The following DPP10 variants were observed in gnomAD, a reference collection of about 807,000 sequenced individuals.
DPP10 encodes inactive dipeptidyl peptidase 10.
In DPP10, 33 loss-of-function variants were observed where a neutral mutation model predicts 120.9. The observed-to-expected ratio is 0.27, with a 90% CI of 0.21 to 0.37. The LOEUF (loss-of-function observed/expected upper bound fraction) is 0.37, where lower values mean the gene tolerates loss of function less well. Ranked by LOEUF, DPP10 falls within the 10% of genes least tolerant of loss-of-function variation. DPP10 has a pLI of 1.00. For missense variants in DPP10, 816 were observed against 942.8 expected (o/e 0.87, Z 1.76); for synonymous variants, 337 against 326.1 (o/e 1.03, Z -0.36).
At chr2:115,252,486 A>G (rs2058797684) in intron 1 of DPP10, among the ~76,000 whole-genome samples, 1 of 152,178 alleles carries the variant, frequency 6.6e-6, no homozygotes, top group African/African-American at 2.4e-5. Context: ...GTTTAACCCT[A>G]GTTTAACTCA....
chr2:114,677,189 C>T (rs1265098081), intron 1 of DPP10, among the ~76,000 whole-genome samples: 1 of 152,122 alleles, frequency 6.6e-6, no homozygotes, highest in African/African-American at 2.4e-5. Flanking sequence ...GTTTCAGCTT[C>T]ATCACAGGCC....
Position 115,536,442 on chromosome 2 carries a change from A to G in DPP10, c.441+10470A>G, listed in dbSNP as rs571402486. On this transcript the variant is annotated intron_variant, in intron 5 of 25. Coordinates refer to ENST00000410059, the MANE Select transcript of DPP10 (RefSeq NM_020868.6). Reference sequence around the variant, plus strand: ...TAGTTGACAGATTAGCACTCTCACTATTACAAAAATCTGTCCTGCAACGAA... The same window carrying G: ...TAGTTGACAGATTAGCACTCTCACTGTTACAAAAATCTGTCCTGCAACGAA... Among the ~76,000 whole-genome samples, 10 of 152,120 alleles carry G rather than the reference A, an allele frequency of 6.6e-5. No homozygotes were observed. In the South Asian group the frequency reaches 1.7e-3, roughly 25 times the overall value.
chr2:115,144,425 G>C (rs1038733657), intron 1 of DPP10: 2 of 152,032 alleles, frequency 1.3e-5, no homozygotes, highest in Non-Finnish European at 2.9e-5. Context: ...ATAGTTAAGA[G>C]TACACAATTA....
At chr2:115,238,202 C>G (rs1293182423) in intron 1 of DPP10, among the ~76,000 whole-genome samples, 1 of 152,124 alleles carries the variant, frequency 6.6e-6, no homozygotes, top group Non-Finnish European at 1.5e-5. Context: ...TTTCTGAAAA[C>G]CCTAAGGACC....
At chr2:115,186,389 T>C (rs1244287060) in intron 1 of DPP10, among the ~76,000 whole-genome samples, 1 of 152,222 alleles carries the variant, frequency 6.6e-6, no homozygotes, top group Non-Finnish European at 1.5e-5. Flanking sequence ...GATAGTCCTC[T>C]CAGAGCCTAC....
chr2:115,777,567 A>T (rs892562535), intron 14 of DPP10, among the ~76,000 whole-genome samples: 1 of 152,088 alleles, frequency 6.6e-6, no homozygotes, highest in Non-Finnish European at 1.5e-5. Context: ...TCAGGGGAAA[A>T]AAATATGTTT....
intron 1 of DPP10, among the ~76,000 whole-genome samples, chr2:114,548,866 T>C (rs1036167449): frequency 6.6e-6 from 1 of 152,130 alleles, no homozygotes; most frequent in South Asian, 2.1e-4. Context: ...GAAAGCTGAC[T>C]CTAAGAAAGA....
At chr2:115,080,634 A>G (rs1185483835) in intron 1 of DPP10, among the ~76,000 whole-genome samples, 1 of 152,230 alleles carries the variant, frequency 6.6e-6, no homozygotes, top group Non-Finnish European at 1.5e-5. Context: ...AGAAGAAAAT[A>G]CAGTCTAGCC....
intron 3 of DPP10, among the ~76,000 whole-genome samples, chr2:115,411,644 C>A (rs745334207): frequency 6.6e-6 from 1 of 152,066 alleles, no homozygotes; most frequent in Non-Finnish European, 1.5e-5. Flanking sequence ...TTTTGAGAAG[C>A]CTTAGAAAGA....
intron 1 of DPP10, among the ~76,000 whole-genome samples, chr2:115,013,170 G>C (rs1287434983): frequency 6.6e-6 from 1 of 152,142 alleles, no homozygotes; most frequent in Non-Finnish European, 1.5e-5. Context: ...TCCTTCAGGA[G>C]CTCTTGTAAG....
intron 1 of DPP10, among the ~76,000 whole-genome samples, chr2:114,905,896 G>A (rs1693922066): frequency 6.6e-6 from 1 of 152,142 alleles, no homozygotes; most frequent in East Asian, 1.9e-4. Flanking sequence ...GTTACATCCT[G>A]CAACATTGTT....
intron 1 of DPP10, among the ~76,000 whole-genome samples, chr2:115,303,611 TTTTC>T (rs2061238832): frequency 6.6e-6 from 1 of 152,064 alleles, no homozygotes; most frequent in African/African-American, 2.4e-5. Flanking sequence ...TTAATAATTT[TTTTC>T]TTTATTTCCC....
intron 1 of DPP10, among the ~76,000 whole-genome samples, chr2:115,177,682 A>G (rs1290252111): frequency 6.6e-6 from 1 of 151,988 alleles, no homozygotes; most frequent in African/African-American, 2.4e-5. Flanking sequence ...CACATTCTTT[A>G]CCTCTCCTTT....
At chr2:114,621,570 T>G (rs1418044962) in intron 1 of DPP10, among the ~76,000 whole-genome samples, 1 of 152,006 alleles carries the variant, frequency 6.6e-6, no homozygotes, top group African/African-American at 2.4e-5. Flanking sequence ...TACATTAAAT[T>G]ATAATACTTC....
Position 114,729,522 on chromosome 2 carries a change from G to T in DPP10, c.60+286684G>T, listed in dbSNP as rs565224146. Among the ~76,000 whole-genome samples, 413 of 152,284 alleles carry T rather than the reference G, an allele frequency of 2.7e-3. 2 individuals carry two copies. The highest frequency in any genetic ancestry group is 4.7e-3 in the Non-Finnish European group (322 of 68,016). On this transcript the variant is annotated intron_variant, in intron 1 of 25. Coordinates refer to ENST00000410059, the MANE Select transcript of DPP10 (RefSeq NM_020868.6). ...GGCCAAATTTCTTTCCATCTGAAAT[G>T]AAAAAGGAAAAGCCCAAAGTTTGGT...
chr2:115,601,383 C>T (rs549581686), intron 5 of DPP10, among the ~76,000 whole-genome samples: 3 of 152,316 alleles, frequency 2.0e-5, no homozygotes, highest in East Asian at 3.9e-4. Flanking sequence ...AACAGCACAA[C>T]ACAAACACCA....
At chr2:115,652,619 A>G (rs1258804732) in intron 5 of DPP10, among the ~76,000 whole-genome samples, 3 of 151,886 alleles carry the variant, frequency 2.0e-5, no homozygotes, top group Non-Finnish European at 4.4e-5. Context: ...AAGTCCTGAG[A>G]ACCAGGAAAG....
At chr2:114,563,631 C>T (rs1008466688) in intron 1 of DPP10, among the ~76,000 whole-genome samples, 4 of 152,122 alleles carry the variant, frequency 2.6e-5, no homozygotes, top group Admixed American at 1.3e-4. Flanking sequence ...ACAATACAGC[C>T]ACAAAATGAT....
At position 114,726,973 on chromosome 2, in the gene DPP10, G is replaced by A. The variant is rs543367057; in HGVS notation, c.60+284135G>A. On this transcript the variant is annotated intron_variant, in intron 1 of 25. Transcript: ENST00000410059. ...TGCTTTCAGAAGGACATTTCTCAGAGAGAGGAAGATGCACATGGCTTTCTA... is the reference window on the plus strand; with the variant it reads ...TGCTTTCAGAAGGACATTTCTCAGAAAGAGGAAGATGCACATGGCTTTCTA... Among the ~76,000 whole-genome samples, 4 of 152,314 alleles carry A rather than the reference G, an allele frequency of 2.6e-5. No homozygotes were observed. In the East Asian group the frequency reaches 5.8e-4, roughly 22 times the overall value.
Sources: gnomAD v4.1 joint callset for allele counts (sites outside exome capture counted in the v4.1 genomes callset) on GRCh38, gnomAD v4.1.1 for gene constraint, MANE v1.5 for transcripts, NCBI Gene and HGNC (gene_info 2026-07-23, HGNC 2026-07-21) for gene names.